Variants in SEC31A observed in about 807,000 individuals in gnomAD.
SEC31A encodes protein transport protein Sec31A.
Under a neutral mutation model 151.0 loss-of-function variants are expected in SEC31A, and 70 were observed. That is an observed-to-expected ratio of 0.46 (90% CI 0.38 to 0.57). The LOEUF (loss-of-function observed/expected upper bound fraction) is 0.57. Among genes scored for constraint, SEC31A ranks in the 20% least tolerant of loss-of-function variants. SEC31A has a pLI of 0.00. For synonymous variants in SEC31A, 475 were observed against 505.9 expected (o/e 0.94, Z 0.82); for missense variants, 1,330 against 1,471.2 (o/e 0.90, Z 1.57).
intron 22 of SEC31A, among the ~76,000 whole-genome samples, chr4:82,833,049 T>C (rs1288823714): frequency 6.6e-6 from 1 of 152,170 alleles, no homozygotes; most frequent in Non-Finnish European, 1.5e-5. Context: ...GCCATCCCAT[T>C]ACTGGGCATA....
Position 82,823,351 on chromosome 4 carries a change from A to G in SEC31A, c.3411+1204T>C, listed in dbSNP as rs559786667. ...GAAGTGTGCATAAGGGCTAGCATGT[A>G]TCTGGTTATCAGCTTCGTCTGCTCT... On this transcript the variant is annotated intron_variant, in intron 25 of 26. Transcript: ENST00000395310. Among the ~76,000 whole-genome samples the G allele has an allele frequency of 1.4e-4, 21 of 152,336 alleles. No individual in the cohort carries two copies. The South Asian group carries it at 4.4e-3, about 32-fold the overall frequency.
intron 1 of SEC31A, chr4:82,890,563 G>T: frequency 5.3e-6 from 1 of 188,176 alleles, no homozygotes; most frequent in East Asian, 1.9e-4. Context: ...TAATGAGACT[G>T]CCCTCAAAGT....
chr4:82,890,016 T>A (rs563506294), intron 1 of SEC31A, among the ~76,000 whole-genome samples: 1 of 151,670 alleles, frequency 6.6e-6, no homozygotes, highest in African/African-American at 2.4e-5. Flanking sequence ...TCACTTGAGG[T>A]CAGGAGTGCC....
chr4:82,825,400 T>G (rs1724324043), intron 24 of SEC31A, among the ~76,000 whole-genome samples: 1 of 152,200 alleles, frequency 6.6e-6, no homozygotes, highest in African/African-American at 2.4e-5. Context: ...GCAACTGCAG[T>G]ACGTTAACAC....
At chr4:82,845,364 A>C (rs995642823) in intron 20 of SEC31A, 4 of 872,092 alleles carry the variant, frequency 4.6e-6, no homozygotes, top group Non-Finnish European at 6.5e-6. Context: ...AAAAAACCCC[A>C]AAAGGTATTA....
At chr4:82,822,982 A>T (rs1560578081) in intron 25 of SEC31A, among the ~76,000 whole-genome samples, 1 of 151,810 alleles carries the variant, frequency 6.6e-6, no homozygotes, top group African/African-American at 2.4e-5. Flanking sequence ...TCAAAAAAAA[A>T]GAAAAACAAA....
intron 5 of SEC31A, 98 bp from the exon 6 acceptor site, chr4:82,874,849 T>C: frequency 7.1e-7 from 1 of 1,405,986 alleles, no homozygotes; most frequent in Non-Finnish European, 9.7e-7. Context: ...GTGTATTACT[T>C]AAAAATCTGA....
intron 22 of SEC31A, among the ~76,000 whole-genome samples, chr4:82,835,097 T>C (rs1726893821): frequency 6.6e-6 from 1 of 152,190 alleles, no homozygotes; most frequent in African/African-American, 2.4e-5. Flanking sequence ...TGCACCCACT[T>C]TGACCTCCCA....
At chr4:82,886,586 A>G (rs1029225822) in intron 1 of SEC31A, among the ~76,000 whole-genome samples, 3 of 152,190 alleles carry the variant, frequency 2.0e-5, no homozygotes, top group African/African-American at 7.2e-5. Flanking sequence ...CTAAGATATA[A>G]AAAAGGCATT....
chr4:82,879,154 T>C (rs975174319), intron 3 of SEC31A, among the ~76,000 whole-genome samples: 2 of 152,180 alleles, frequency 1.3e-5, no homozygotes, highest in African/African-American at 4.8e-5. Context: ...GTAAAAACTC[T>C]TGTAAGGTAG....
rs188873963 is a variant in SEC31A, at chr4:82,857,532, C to G, written c.1702+157G>C. ...TGTTGTCCAGGATAGCCTCAAACTC[C>G]TGGGCCCAAGTGATCCTCCTGCCTC... On this transcript the variant is annotated intron_variant, in intron 15 of 26. Transcript: ENST00000395310. Among the ~76,000 whole-genome samples the G allele has an allele frequency of 4.4e-3, 673 of 152,210 alleles. 2 individuals carry two copies. The highest frequency in any genetic ancestry group is 0.01 in the African/African-American group (434 of 41,520).
chr4:82,872,967 AGT>A (rs1737080433), intron 6 of SEC31A, among the ~76,000 whole-genome samples: 1 of 152,186 alleles, frequency 6.6e-6, no homozygotes, highest in Admixed American at 6.5e-5. Flanking sequence ...GGCCTCCCAA[AGT>A]GTTAGGATTG....
intron 21 of SEC31A, 21 bp downstream of exon 21, chr4:82,844,365 C>T (rs762959360): frequency 2.2e-5 from 35 of 1,610,174 alleles, no homozygotes; most frequent in Non-Finnish European, 2.9e-5. Flanking sequence ...TCTGAAAGGA[C>T]TTTGGGGTCA....
intron 1 of SEC31A, among the ~76,000 whole-genome samples, chr4:82,886,269 ATGGTCTCTGGAGT>A (rs1740688008): frequency 1.3e-5 from 2 of 152,218 alleles, no homozygotes; most frequent in South Asian, 2.1e-4. Flanking sequence ...GGTTAAAAGC[ATGGTCTCTGGAGT>A]TAATCCTCAA....
At chr4:82,885,270 T>C (rs564687772) in intron 1 of SEC31A, among the ~76,000 whole-genome samples, 2 of 152,324 alleles carry the variant, frequency 1.3e-5, no homozygotes, top group East Asian at 3.9e-4. Flanking sequence ...ATGACAGACA[T>C]GGTTGGTCTT....
chr4:82,873,638 G>C (rs1399295104), intron 6 of SEC31A, among the ~76,000 whole-genome samples: 1 of 152,020 alleles, frequency 6.6e-6, no homozygotes, highest in Non-Finnish European at 1.5e-5. Flanking sequence ...CTGAAGAAGT[G>C]TTCTCCCAAA....
chr4:82,895,044 T>C (rs967911216), upstream of SEC31A: 3 of 152,232 alleles, frequency 2.0e-5, no homozygotes, highest in African/African-American at 4.8e-5. Flanking sequence ...GATTCCCAGT[T>C]TCCTATCACC....
intron 3 of SEC31A, chr4:82,898,153 A>C (rs1377775237): frequency 6.6e-6 from 1 of 152,232 alleles, no homozygotes; most frequent in Non-Finnish European, 1.5e-5. Context: ...ACATATCCTC[A>C]TTTAAGTATT....
At chr4:82,850,772 C>T (rs1211116705) in intron 19 of SEC31A, among the ~76,000 whole-genome samples, 2 of 152,304 alleles carry the variant, frequency 1.3e-5, no homozygotes, top group South Asian at 2.1e-4. Flanking sequence ...CTTCTGGAAT[C>T]TCATGTTTAC....
Sources: gnomAD v4.1 joint callset for allele counts (sites outside exome capture counted in the v4.1 genomes callset) on GRCh38, gnomAD v4.1.1 for gene constraint, MANE v1.5 for transcripts, NCBI Gene and HGNC (gene_info 2026-07-23, HGNC 2026-07-21) for gene names.